Variants in MAST4 observed in about 807,000 individuals in gnomAD.
MAST4 encodes microtubule-associated serine/threonine-protein kinase 4.
A neutral mutation model predicts 162.7 loss-of-function variants in MAST4; 89 were observed. The observed-to-expected ratio is 0.55, with a 90% CI of 0.46 to 0.65. The LOEUF (loss-of-function observed/expected upper bound fraction) is 0.65, where lower values mean the gene tolerates loss of function less well. Ranked by LOEUF, MAST4 falls within the 30% of genes least tolerant of loss-of-function variation. The probability of loss-of-function intolerance (pLI) is 0.00; values close to 1 mark genes in which losing one functional copy is unlikely to be tolerated. For synonymous variants in MAST4, 1,479 were observed against 1,361.1 expected, an observed-to-expected ratio of 1.09 and a Z score of -1.91; for missense variants, 3,153 against 3,374.0, an observed-to-expected ratio of 0.93 and a Z score of 1.62.
At position 67,110,127 on chromosome 5, in the gene MAST4, G is replaced by T. The variant is rs375943354; in HGVS notation, c.1386G>T (p.Leu462Phe). The T allele has an allele frequency of 9.9e-6, 16 of 1,613,328 alleles. No homozygotes were observed. The highest frequency in any genetic ancestry group is 1.4e-5 in the Non-Finnish European group (16 of 1,179,520). Residue 462 changes from leucine to phenylalanine, a missense_variant, in exon 11 of 29, where the codon TTG (leucine) becomes TTT (phenylalanine). By Grantham distance (22) the Leu-to-Phe change is conservative. Transcript: ENST00000403625. ...ATGATCGTTCAGAAAGTGGAGAATTGGCATTTATTAAACAACTAGTTCGAA... is the reference window on the plus strand; with the variant it reads ...ATGATCGTTCAGAAAGTGGAGAATTTGCATTTATTAAACAACTAGTTCGAA... ...EAHDRSESGE[L>F]AFIKQLVRKI...
intron 3 of MAST4, among the ~76,000 whole-genome samples, chr5:66,799,017 C>T (rs1755787393): frequency 6.6e-6 from 1 of 152,082 alleles, no homozygotes; most frequent in Non-Finnish European, 1.5e-5. Flanking sequence ...TTTTAAAAAC[C>T]TCCGAGTTTT....
chr5:67,058,018 T>G (rs1759073090), intron 5 of MAST4, among the ~76,000 whole-genome samples: 1 of 151,722 alleles, frequency 6.6e-6, no homozygotes, highest in Non-Finnish European at 1.5e-5. Context: ...GGCAGGAGGA[T>G]TGCTTGAGCC....
chr5:66,953,331 A>G (rs551190169), intron 4 of MAST4, among the ~76,000 whole-genome samples: 52 of 152,320 alleles, frequency 3.4e-4, no homozygotes, highest in Non-Finnish European at 5.9e-4. Context: ...CAAAACTCGT[A>G]CGTTTAAATC....
chr5:67,164,010 G>A lies in MAST4; in HGVS notation c.4831G>A (p.Ala1611Thr). The change falls in exon 29 of 29, where the codon GCC (alanine) becomes ACC (threonine). Residue 1611 changes from alanine to threonine, a missense_variant. Physicochemically the swap from Ala to Thr is moderately conservative, Grantham distance 58 (BLOSUM62 0). Coordinates refer to ENST00000403625, the MANE Select transcript of MAST4 (RefSeq NM_001164664.2). The surrounding 1 kb of genome is among the most constrained non-coding windows in gnomAD (Gnocchi z 5.3). ...GCTGAAGGATGCTCTTCACAAGCAG[G>A]CCAGCGTGCGCGCCAGCGAGGGTGC... ...SLLKDALHKQ[A>T]SVRASEGAMS... is the part of the protein sequence containing the mutation. The A allele has an allele frequency of 6.3e-7, 1 of 1,594,902 alleles. No homozygotes were observed. Among genetic ancestry groups the A allele is most frequent in the South Asian group, 1.1e-5 (1 of 88,788 alleles).
At chr5:66,972,712 C>T (rs77351571) in intron 4 of MAST4, among the ~76,000 whole-genome samples, 1,769 of 152,266 alleles carry the variant, frequency 0.012, 30 homozygotes, top group African/African-American at 0.041. Flanking sequence ...TTAGTTCAAC[C>T]TTTGCCCTCC....
intron 1 of MAST4, among the ~76,000 whole-genome samples, chr5:66,649,766 A>C (rs1746094880): frequency 6.6e-6 from 1 of 151,922 alleles, no homozygotes; most frequent in South Asian, 2.1e-4. Context: ...GACCTTGACT[A>C]TAAGCACTCC....
At chr5:67,113,313 CAAAAAA>C (rs34018550) in intron 11 of MAST4, among the ~76,000 whole-genome samples, 4 of 67,380 alleles carry the variant, frequency 5.9e-5, no homozygotes, top group South Asian at 8.8e-4. Flanking sequence ...GACTCCGTCT[CAAAAAA>C]AAAAAAAAAA....
intron 3 of MAST4, among the ~76,000 whole-genome samples, chr5:66,851,744 T>G (rs970535365): frequency 5.3e-5 from 8 of 152,230 alleles, no homozygotes; most frequent in Admixed American, 4.6e-4. Flanking sequence ...GTTTCCTTGG[T>G]GCAGACTTCC....
chr5:66,871,193 A>G (rs1276559993), intron 3 of MAST4, among the ~76,000 whole-genome samples: 2 of 152,142 alleles, frequency 1.3e-5, no homozygotes, highest in Non-Finnish European at 2.9e-5. Flanking sequence ...ACTGTTATAT[A>G]GTTGTATTAT....
intron 1 of MAST4, among the ~76,000 whole-genome samples, chr5:66,665,608 G>A (rs2149466420): frequency 6.6e-6 from 1 of 152,290 alleles, no homozygotes; most frequent in South Asian, 2.1e-4. Flanking sequence ...TCTTCAGTAT[G>A]GAGGCACTTA....
intron 4 of MAST4, among the ~76,000 whole-genome samples, chr5:66,988,245 T>C (rs906507831): frequency 6.6e-6 from 1 of 152,210 alleles, no homozygotes. Flanking sequence ...TGAAGGGGGT[T>C]ATCCTTAGCA....
rs185970928 is a variant in MAST4, at chr5:67,132,631, A to T, written c.2093+680A>T. Among the ~76,000 whole-genome samples, 1,275 of 151,692 alleles carry T rather than the reference A, an allele frequency of 8.4e-3. 9 individuals carry two copies. Among genetic ancestry groups the T allele is most frequent in the Non-Finnish European group, 0.015 (992 of 67,974 alleles). ...GGTGTCTGATTTGAGATACAGATAG[A>T]CTTTTTTCCCCAGATGACTAGCTAT... On this transcript the variant is annotated intron_variant, in intron 16 of 28. Coordinates refer to ENST00000403625, the MANE Select transcript of MAST4 (RefSeq NM_001164664.2).
intron 1 of MAST4, among the ~76,000 whole-genome samples, chr5:66,617,082 T>C (rs1234326749): frequency 2.0e-5 from 3 of 152,224 alleles, no homozygotes; most frequent in African/African-American, 7.2e-5. Flanking sequence ...ACTGGATTTT[T>C]TTCTAAAAGG....
chr5:66,684,190 C>T (rs1248183273), intron 1 of MAST4, among the ~76,000 whole-genome samples: 1 of 152,178 alleles, frequency 6.6e-6, no homozygotes, highest in Non-Finnish European at 1.5e-5. Flanking sequence ...CCTTTTAAAA[C>T]ATCTTTCCAT....
intron 3 of MAST4, among the ~76,000 whole-genome samples, chr5:66,872,741 G>C (rs1431850984): frequency 6.6e-6 from 1 of 152,196 alleles, no homozygotes; most frequent in African/African-American, 2.4e-5. Context: ...GCACAACTCA[G>C]AGTACGGCGG....
chr5:66,936,005 C>T (rs1351741553), intron 4 of MAST4, among the ~76,000 whole-genome samples: 3 of 152,112 alleles, frequency 2.0e-5, no homozygotes, highest in Admixed American at 1.3e-4. Context: ...GTGGTGTCTC[C>T]ATTTAACTGA....
chr5:66,995,482 C>A (rs1750523830), intron 4 of MAST4, among the ~76,000 whole-genome samples: 1 of 152,096 alleles, frequency 6.6e-6, no homozygotes, highest in Non-Finnish European at 1.5e-5. Flanking sequence ...TTGCTCACTG[C>A]AAAATCCACC....
intron 5 of MAST4, among the ~76,000 whole-genome samples, chr5:67,085,795 A>G (rs1763168759): frequency 6.6e-6 from 1 of 152,202 alleles, no homozygotes; most frequent in South Asian, 2.1e-4. Context: ...AGTTTGAGAC[A>G]GGTGTCTAAA....
At chr5:66,681,010 G>T (rs927060168) in intron 1 of MAST4, among the ~76,000 whole-genome samples, 1 of 152,190 alleles carries the variant, frequency 6.6e-6, no homozygotes, top group Non-Finnish European at 1.5e-5. Flanking sequence ...GACCAAGGCA[G>T]AGTATGATTC....
Sources: allele counts gnomAD v4.1 joint callset (sites outside exome capture counted in the v4.1 genomes callset), GRCh38; gene constraint gnomAD v4.1.1; non-coding constraint Gnocchi (gnomAD v3.1); transcripts MANE v1.5; gene names NCBI Gene and HGNC (gene_info 2026-07-23, HGNC 2026-07-21).